AGAP1: variants seen among roughly 807,000 people sequenced by gnomAD.
AGAP1 encodes arf-GAP with GTPase, ANK repeat and PH domain-containing protein 1.
A neutral mutation model predicts 105.3 loss-of-function variants in AGAP1; 29 were observed. That is an observed-to-expected ratio of 0.28 (90% CI 0.21 to 0.38). AGAP1 has a LOEUF of 0.38. Ranked by LOEUF, AGAP1 falls within the 10% of genes least tolerant of loss-of-function variation. The probability of loss-of-function intolerance (pLI) is 1.00; values close to 1 mark genes in which losing one functional copy is unlikely to be tolerated. For missense variants in AGAP1, 998 were observed against 1,165.1 expected, an observed-to-expected ratio of 0.86 and a Z score of 2.09; for synonymous variants, 509 against 485.9, an observed-to-expected ratio of 1.05 and a Z score of -0.63.
intron 1 of AGAP1, among the ~76,000 whole-genome samples, chr2:235,644,994 C>G (rs1055939771): frequency 2.7e-4 from 41 of 151,872 alleles, no homozygotes; most frequent in African/African-American, 9.7e-4. Flanking sequence ...CTCCCAGGTT[C>G]AAGGGATTCT....
At position 236,095,352 on chromosome 2, in the gene AGAP1, A is replaced by G. The variant is rs1261445131; in HGVS notation, c.2115-24840A>G. ...GTCAAGGCTGCAGTGAGCCATGATC[A>G]TGCCACTGCATTCCAGCCTGGTTGA... is the stretch of plus-strand genomic sequence containing the variant. On this transcript the variant is annotated intron_variant, in intron 16 of 17. Coordinates refer to ENST00000304032, the MANE Select transcript of AGAP1 (RefSeq NM_001037131.3). The surrounding 1 kb of genome is among the most constrained non-coding windows in gnomAD (Gnocchi z 4.1). Among the ~76,000 whole-genome samples the G allele has an allele frequency of 6.6e-6, 1 of 152,118 alleles. No homozygotes were observed. The highest frequency in any genetic ancestry group is 1.5e-5 in the Non-Finnish European group (1 of 68,022).
intron 9 of AGAP1, among the ~76,000 whole-genome samples, chr2:235,826,914 C>G (rs1239584462): frequency 6.6e-6 from 1 of 152,132 alleles, no homozygotes; most frequent in African/African-American, 2.4e-5. Context: ...TATCTCCTTC[C>G]TCCTATTGTT....
rs1013333456 is a variant in AGAP1 at position 236,020,461 on chromosome 2, C to T, written c.1646-16100C>T. Among the ~76,000 whole-genome samples, 2 of 152,160 alleles carry T rather than the reference C, an allele frequency of 1.3e-5. No homozygotes were observed. The highest frequency in any genetic ancestry group is 6.5e-5 in the Admixed American group (1 of 15,274). ...CCATTTGCTGTCATCTGAGAAGAATCGTCAGTTGTAGAAATTTGGCTAAAA... is the reference window on the plus strand; with the variant it reads ...CCATTTGCTGTCATCTGAGAAGAATTGTCAGTTGTAGAAATTTGGCTAAAA... On this transcript the variant is annotated intron_variant, in intron 13 of 17. Transcript: ENST00000304032. This position sits in a 1 kb window ranked among gnomAD's most constrained non-coding sequence, Gnocchi z 5.0.
At chr2:235,825,149 G>A (rs1958996852) in intron 9 of AGAP1, among the ~76,000 whole-genome samples, 1 of 152,208 alleles carries the variant, frequency 6.6e-6, no homozygotes, top group South Asian at 2.1e-4. Flanking sequence ...CAGCCATCGT[G>A]GGTCAGAGGG....
chr2:235,745,359 T>A (rs1952846734), intron 5 of AGAP1, among the ~76,000 whole-genome samples: 1 of 152,198 alleles, frequency 6.6e-6, no homozygotes, highest in Non-Finnish European at 1.5e-5. Flanking sequence ...AGACAGAGAA[T>A]CCAACTGGGC....
At chr2:236,004,899 C>T (rs771228561) in intron 13 of AGAP1, among the ~76,000 whole-genome samples, 2 of 152,216 alleles carry the variant, frequency 1.3e-5, no homozygotes, top group Non-Finnish European at 2.9e-5. Context: ...CTATCAAATA[C>T]TTCTAGCCTT....
intron 5 of AGAP1, among the ~76,000 whole-genome samples, chr2:235,746,770 A>G (rs562300484): frequency 2.0e-5 from 3 of 152,146 alleles, no homozygotes; most frequent in Admixed American, 1.3e-4. Context: ...CACCACTCAC[A>G]GGCTGCTGGA....
At chr2:235,548,114 CA>C (rs1943686757) in intron 1 of AGAP1, among the ~76,000 whole-genome samples, 1 of 152,212 alleles carries the variant, frequency 6.6e-6, no homozygotes, top group African/African-American at 2.4e-5. Flanking sequence ...AGCAAGAAAA[CA>C]AATGGCACGA....
rs1165558729 is a variant in AGAP1 at position 235,599,169 on chromosome 2, G to A, written c.163+104320G>A. ...CTTGACGCCAACAAAGAAATTTCTA[G>A]CTGCTTGTAGAAGACACCCCAGGGT... is the stretch of plus-strand genomic sequence containing the variant. On this transcript the variant is annotated intron_variant, in intron 1 of 17. Coordinates refer to ENST00000304032, the MANE Select transcript of AGAP1 (RefSeq NM_001037131.3). This position sits in a 1 kb window ranked among gnomAD's most constrained non-coding sequence, Gnocchi z 5.3. Among the ~76,000 whole-genome samples, 2 of 152,200 alleles carry A rather than the reference G, an allele frequency of 1.3e-5. No individual in the cohort carries two copies. The highest frequency in any genetic ancestry group is 2.9e-5 in the Non-Finnish European group (2 of 68,054).
intron 3 of AGAP1, among the ~76,000 whole-genome samples, chr2:235,727,143 A>G (rs539941948): frequency 6.6e-6 from 1 of 152,270 alleles, no homozygotes; most frequent in South Asian, 2.1e-4. Context: ...TCAGTATCAC[A>G]GGTTGGAGGG....
chr2:236,103,156 G>A (rs1012501805), intron 16 of AGAP1, among the ~76,000 whole-genome samples: 2 of 152,088 alleles, frequency 1.3e-5, no homozygotes, highest in African/African-American at 2.4e-5. Flanking sequence ...GTCGTGGAGG[G>A]GTCTCCCTCA....
Position 236,003,664 on chromosome 2 carries a change from G to T in AGAP1, c.1646-32897G>T, listed in dbSNP as rs1436641332. On this transcript the variant is annotated intron_variant, in intron 13 of 17. Coordinates refer to ENST00000304032, the MANE Select transcript of AGAP1 (RefSeq NM_001037131.3). This position sits in a 1 kb window ranked among gnomAD's most constrained non-coding sequence, Gnocchi z 4.2. ...TGTTCTTTCTCTGGCTGTGCACCTG[G>T]CAGTGCTGAGAGGAGAGCCTGGTGG... 1.3e-5 allele frequency among the ~76,000 whole-genome samples: 2 copies of T among 152,166 alleles called. No homozygotes were observed. The highest frequency in any genetic ancestry group is 2.9e-5 in the Non-Finnish European group (2 of 68,024).
Position 235,981,594 on chromosome 2 carries a change from A to G in AGAP1, c.1645+12971A>G, listed in dbSNP as rs998779996. On this transcript the variant is annotated intron_variant, in intron 13 of 17. Transcript: ENST00000304032. This position sits in a 1 kb window ranked among gnomAD's most constrained non-coding sequence, Gnocchi z 5.5. The stretch of plus-strand genomic sequence containing the variant: ...CACGAAACAGAAACTCAGAGTTGAC[A>G]ATCTATTAGCAATAATATCACTATC... Among the ~76,000 whole-genome samples, 1 of 152,180 alleles carries G rather than the reference A, an allele frequency of 6.6e-6. No homozygotes were observed. The highest frequency in any genetic ancestry group is 2.4e-5 in the African/African-American group (1 of 41,438).
chr2:235,968,477 A>G lies in AGAP1; in HGVS notation c.1499A>G (p.Asp500Gly). Residue 500 changes from aspartate (D) to glycine (G), a missense_variant, in exon 13 of 18, where the codon GAC (aspartate) becomes GGC (glycine). Asp to Gly is a moderately conservative substitution (Grantham distance 94, BLOSUM62 -1). Transcript: ENST00000304032. Reference sequence around the variant, plus strand: ...CCAATGGCAGACACAGGGCTGGGTGACTCCGTATGCTCCAGCCCCAGTATC... The same window carrying G: ...CCAATGGCAGACACAGGGCTGGGTGGCTCCGTATGCTCCAGCCCCAGTATC... Reference protein sequence around the residue: ...SAISSDTGLGDSVCSSPSISS... With the variant: ...SAISSDTGLGGSVCSSPSISS... 6.3e-7 allele frequency: 1 copy of G among 1,591,614 alleles called. No homozygotes were observed. Among genetic ancestry groups the G allele is most frequent in the Non-Finnish European group, 8.5e-7 (1 of 1,172,878 alleles).
At chr2:235,766,412 T>C (rs1477834724) in intron 6 of AGAP1, among the ~76,000 whole-genome samples, 1 of 152,154 alleles carries the variant, frequency 6.6e-6, no homozygotes, top group Admixed American at 6.5e-5. Context: ...TGAAAGCGCG[T>C]CTAAGGATTA....
chr2:235,820,285 G>C (rs1958718710), intron 9 of AGAP1, among the ~76,000 whole-genome samples: 1 of 152,236 alleles, frequency 6.6e-6, no homozygotes, highest in Admixed American at 6.5e-5. Flanking sequence ...TGTATTTTCA[G>C]GAACATTATA....
rs1184194177 is a variant in AGAP1, at chr2:235,872,833, G to A, written c.1051-10512G>A. ...GGATGCTGAGTGTGTTCAGAGGGGC[G>A]TCCCATGGTCGAACTGGAACTTGCT... On this transcript the variant is annotated intron_variant, in intron 9 of 17. Transcript: ENST00000304032. The surrounding 1 kb of genome is among the most constrained non-coding windows in gnomAD (Gnocchi z 4.5). Among the ~76,000 whole-genome samples the A allele has an allele frequency of 6.6e-6, 1 of 152,198 alleles. No homozygotes were observed.
At position 236,045,810 on chromosome 2, in the gene AGAP1, C is replaced by T; in HGVS notation, c.1892-3249C>T. 1 of 389,334 alleles carries T rather than the reference C, an allele frequency of 2.6e-6. No homozygotes were observed. The allele number at this position is 389,334 out of a possible 1,614,324, so 24.1% of individuals were successfully genotyped here. A position where few individuals can be genotyped will look rare whatever the true frequency, so the allele number is the denominator to read the frequency against. On this transcript the variant is annotated intron_variant, in intron 15 of 17. Transcript: ENST00000304032. This position sits in a 1 kb window ranked among gnomAD's most constrained non-coding sequence, Gnocchi z 6.9. ...TAGATACCAACCCTTGCCGATGAGT[C>T]ATTCTCTGCTGGAGCGGAGGCAAGG...
At chr2:235,540,114 T>TC (rs1559234299) in intron 1 of AGAP1, among the ~76,000 whole-genome samples, 1 of 150,686 alleles carries the variant, frequency 6.6e-6, no homozygotes, top group Non-Finnish European at 1.5e-5. Context: ...TTCCTCTCAA[T>TC]CCGTTTGTTT....
Sources: allele counts gnomAD v4.1 joint callset (sites outside exome capture counted in the v4.1 genomes callset), GRCh38; gene constraint gnomAD v4.1.1; non-coding constraint Gnocchi (gnomAD v3.1); transcripts MANE v1.5; gene names NCBI Gene and HGNC (gene_info 2026-07-23, HGNC 2026-07-21).